The following R3HDM2 variants were observed in gnomAD, a reference collection of about 807,000 sequenced individuals.
R3HDM2 encodes R3H domain containing 2.
Under a neutral mutation model 124.5 loss-of-function variants are expected in R3HDM2, and 38 were observed. The ratio of observed to expected loss-of-function variants is 0.31; its 90% confidence interval spans 0.24 to 0.40. The LOEUF (loss-of-function observed/expected upper bound fraction) is 0.40, where lower values mean the gene tolerates loss of function less well. Ranked by LOEUF, R3HDM2 falls within the 10% of genes least tolerant of loss-of-function variation. The pLI, the probability that R3HDM2 is intolerant of heterozygous loss-of-function variation, is 1.00. For synonymous variants in R3HDM2, 391 were observed against 448.0 expected (o/e 0.87, Z 1.61); for missense variants, 869 against 1,236.9 (o/e 0.70, Z 4.46).
chr12:57,288,331 T>C (rs2047833503), intron 12 of R3HDM2, among the ~76,000 whole-genome samples: 1 of 151,680 alleles, frequency 6.6e-6, no homozygotes, highest in Non-Finnish European at 1.5e-5. Flanking sequence ...ATCTTACACA[T>C]TACATTGCCT....
At chr12:57,351,888 T>C (rs1329635993) in intron 2 of R3HDM2, among the ~76,000 whole-genome samples, 1 of 152,128 alleles carries the variant, frequency 6.6e-6, no homozygotes, top group Admixed American at 6.6e-5. Context: ...TATTCATTAT[T>C]GAATGGGAAG....
At chr12:57,344,907 A>G (rs1593628584) in intron 2 of R3HDM2, among the ~76,000 whole-genome samples, 1 of 151,706 alleles carries the variant, frequency 6.6e-6, no homozygotes, top group African/African-American at 2.4e-5. Context: ...GCTCACCGCA[A>G]CCTCCACCTT....
chr12:57,390,961 G>A (rs963695520), intron 2 of R3HDM2, among the ~76,000 whole-genome samples: 4 of 150,814 alleles, frequency 2.7e-5, no homozygotes, highest in Middle Eastern at 3.5e-3. Flanking sequence ...GCAGTGAGCC[G>A]AGATCATGCC....
intron 2 of R3HDM2, among the ~76,000 whole-genome samples, chr12:57,338,630 G>C (rs2059161782): frequency 6.6e-6 from 1 of 152,074 alleles, no homozygotes; most frequent in Non-Finnish European, 1.5e-5. Context: ...GACCTCAAGT[G>C]ATCCACCCAC....
chr12:57,297,839 G>T, intron 7 of R3HDM2: 2 of 517,822 alleles, frequency 3.9e-6, no homozygotes, highest in Non-Finnish European at 6.9e-6. Context: ...ATACTCCCAA[G>T]ACTTCATATT....
rs34808381 is a variant in R3HDM2, at chr12:57,335,492, CTTTTTTTT to C, written c.-35-25037_-35-25030del. ...GGCGTGAGCCATCACGCCCGGCCAC[CTTTTTTTT>C]TTTTTTTTTTTTTAAGTGACAGCAT... On this transcript the variant is annotated intron_variant, in intron 2 of 23. Transcript: ENST00000402412. 8.9e-5 allele frequency among the ~76,000 whole-genome samples: 10 copies of C among 111,736 alleles called. No homozygotes were observed. In the South Asian group the frequency reaches 2.3e-3, roughly 26 times the overall value. 73.3% of individuals were successfully genotyped at this position (111,736 alleles called of 152,430 possible).
intron 1 of R3HDM2, among the ~76,000 whole-genome samples, chr12:57,420,210 T>G (rs1013043661): frequency 2.0e-5 from 3 of 152,226 alleles, no homozygotes; most frequent in Non-Finnish European, 2.9e-5. Context: ...TATATAAATA[T>G]GCTCGAGTTT....
chr12:57,324,973 G>A (rs766213134), intron 2 of R3HDM2, among the ~76,000 whole-genome samples: 21 of 152,324 alleles, frequency 1.4e-4, no homozygotes, highest in Non-Finnish European at 2.6e-4. Flanking sequence ...AAGTACACCA[G>A]AGGCATGGTG....
At position 57,430,945 on chromosome 12, in the gene R3HDM2, G is replaced by A. The variant is rs1869761904; in HGVS notation, c.-331C>T. 1 of 136,500 alleles carries A rather than the reference G, an allele frequency of 7.3e-6. No individual in the cohort carries two copies. The highest frequency in any genetic ancestry group is 1.6e-5 in the Non-Finnish European group (1 of 63,202). The allele number at this position is 136,500 out of a possible 1,614,324, so 8.5% of individuals were successfully genotyped here. On this transcript the variant is annotated 5_prime_UTR_variant, in exon 1 of 24. Transcript: ENST00000402412. The stretch of plus-strand genomic sequence containing the variant: ...AGGGGGGAGAGGGGAAGAAAAGGGG[G>A]GAACCAAACCCGGAAAGGGAGAAAA...
intron 19 of R3HDM2, among the ~76,000 whole-genome samples, chr12:57,260,679 A>T (rs1057096953): frequency 1.3e-5 from 2 of 152,052 alleles, no homozygotes; most frequent in African/African-American, 4.8e-5. Context: ...GTGGTGGAGA[A>T]ATGGGAAATT....
intron 2 of R3HDM2, among the ~76,000 whole-genome samples, chr12:57,315,874 C>G (rs1263894039): frequency 6.6e-6 from 1 of 152,194 alleles, no homozygotes; most frequent in Non-Finnish European, 1.5e-5. Flanking sequence ...AGTCAGAGCA[C>G]TTTGGGAGGC....
intron 2 of R3HDM2, among the ~76,000 whole-genome samples, chr12:57,362,935 C>T (rs559203298): frequency 6.6e-6 from 1 of 152,276 alleles, no homozygotes; most frequent in Admixed American, 6.5e-5. Context: ...GTTCTCCTGC[C>T]TCAGCCTCCT....
At position 57,279,469 on chromosome 12, in the gene R3HDM2, A is replaced by C. The variant is rs183653800; in HGVS notation, c.1344+889T>G. On this transcript the variant is annotated intron_variant, in intron 14 of 23. Transcript: ENST00000402412. ...AAGTGCTGGGATTACAGGCTTGAGC[A>C]ACCATGCCTGGCCTTAAGGTGACTT... Among the ~76,000 whole-genome samples, 909 of 150,032 alleles carry C rather than the reference A, an allele frequency of 6.1e-3. 6 individuals carry two copies. The highest frequency in any genetic ancestry group is 0.017 in the Middle Eastern group (5 of 292).
At chr12:57,401,621 T>C (rs1369182167) in intron 1 of R3HDM2, among the ~76,000 whole-genome samples, 2 of 152,224 alleles carry the variant, frequency 1.3e-5, no homozygotes, top group Non-Finnish European at 2.9e-5. Context: ...AAAATCGAGC[T>C]CTCAAGTGAA....
chr12:57,384,311 G>A (rs984787679), intron 2 of R3HDM2, among the ~76,000 whole-genome samples: 31 of 150,340 alleles, frequency 2.1e-4, no homozygotes, highest in African/African-American at 7.1e-4. Context: ...CCGAGATCAC[G>A]CCACTGCACT....
At chr12:57,360,739 T>A (rs2061831682) in intron 2 of R3HDM2, among the ~76,000 whole-genome samples, 1 of 152,040 alleles carries the variant, frequency 6.6e-6, no homozygotes, top group South Asian at 2.1e-4. Flanking sequence ...ATGTGGCTTT[T>A]ATATGGATGC....
At chr12:57,324,139 G>A (rs546293757) in intron 2 of R3HDM2, among the ~76,000 whole-genome samples, 46 of 152,202 alleles carry the variant, frequency 3.0e-4, no homozygotes, top group African/African-American at 1.1e-3. Flanking sequence ...TGCCATAACC[G>A]ATGACCTTAG....
chr12:57,306,934 G>A (rs2052734493), intron 3 of R3HDM2, among the ~76,000 whole-genome samples: 1 of 152,144 alleles, frequency 6.6e-6, no homozygotes, highest in African/African-American at 2.4e-5. Flanking sequence ...AGAATCACTT[G>A]AACCTGGCAG....
intron 18 of R3HDM2, 24 bp from the exon 19 acceptor site, chr12:57,266,855 G>C (rs367712762): frequency 3.3e-6 from 5 of 1,503,772 alleles, no homozygotes; most frequent in Non-Finnish European, 3.7e-6. Flanking sequence ...GAAGAGAGGA[G>C]TGGTGAAGCA....
Sources: gnomAD v4.1 joint callset for allele counts (sites outside exome capture counted in the v4.1 genomes callset) on GRCh38, gnomAD v4.1.1 for gene constraint, MANE v1.5 for transcripts, NCBI Gene and HGNC (gene_info 2026-07-23, HGNC 2026-07-21) for gene names.